CACNA1G: variants seen among roughly 807,000 people sequenced by gnomAD.
CACNA1G encodes calcium voltage-gated channel subunit alpha1 G, also known as voltage-dependent T-type calcium channel subunit alpha-1G.
A neutral mutation model predicts 219.4 loss-of-function variants in CACNA1G; 67 were observed. The ratio of observed to expected loss-of-function variants is 0.31; its 90% CI spans 0.25 to 0.37. The LOEUF is 0.37. Among genes scored for constraint, CACNA1G ranks in the 10% least tolerant of loss-of-function variants. The pLI, the probability that CACNA1G is intolerant of heterozygous loss-of-function variation, is 1.00. For synonymous variants in CACNA1G, 1,296 were observed against 1,345.3 expected, an observed-to-expected ratio of 0.96 and a Z score of 0.80; for missense variants, 2,380 against 3,231.4, an observed-to-expected ratio of 0.74 and a Z score of 6.39.
chr17:50,579,637 T>G (rs1040283624), intron 9 of CACNA1G, among the ~76,000 whole-genome samples: 19 of 152,048 alleles, frequency 1.2e-4, no homozygotes, highest in East Asian at 1.9e-4. Context: ...TTCTCCTGGG[T>G]GTTCTGGCCT....
Position 50,621,808 on chromosome 17 carries a change from G to C in CACNA1G, c.6060+14G>C. 6.2e-7 allele frequency: 1 copy of C among 1,612,888 alleles called. No homozygotes were observed. The highest frequency in any genetic ancestry group is 8.5e-7 in the Non-Finnish European group (1 of 1,179,730). On this transcript the variant is annotated intron_variant, in intron 35 of 37. Coordinates refer to ENST00000359106, the MANE Select transcript of CACNA1G (RefSeq NM_018896.5). This position sits in a 1 kb window ranked among gnomAD's most constrained non-coding sequence, Gnocchi z 4.6. ...CTGGAGAGCAATGTACATACACACT[G>C]CCCTCACTGCTCCCGGCCACCCCCG...
chr17:50,605,028 C>T (rs559116861), intron 22 of CACNA1G, among the ~76,000 whole-genome samples: 1 of 152,066 alleles, frequency 6.6e-6, no homozygotes, highest in East Asian at 1.9e-4. Context: ...CCTAGAAATT[C>T]TCTAGCCCTA....
At chr17:50,625,801 G>A (rs1481228954) in intron 37 of CACNA1G, among the ~76,000 whole-genome samples, 1 of 152,188 alleles carries the variant, frequency 6.6e-6, no homozygotes, top group Non-Finnish European at 1.5e-5. Context: ...GGGGAGGGAA[G>A]ACAGGGTTTA....
Position 50,611,343 on chromosome 17 carries a change from C to T in CACNA1G, c.4759+1408C>T, listed in dbSNP as rs79813361. 7.6e-3 allele frequency among the ~76,000 whole-genome samples: 1,152 copies of T among 151,964 alleles called. 9 individuals are homozygous for T. Among genetic ancestry groups the T allele is most frequent in the South Asian group, 0.015 (72 of 4,794 alleles). On this transcript the variant is annotated intron_variant, in intron 26 of 37. Transcript: ENST00000359106. Reference sequence around the variant, plus strand: ...CTTGGAACTTCAGTCTGGGAACCACCGGCTCCACTTTCCCCACTCCTCTGG... The same window carrying T: ...CTTGGAACTTCAGTCTGGGAACCACTGGCTCCACTTTCCCCACTCCTCTGG...
At chr17:50,562,365 C>G (rs970085498) in intron 1 of CACNA1G, among the ~76,000 whole-genome samples, 1 of 152,154 alleles carries the variant, frequency 6.6e-6, no homozygotes, top group African/African-American at 2.4e-5. Context: ...CAAGGAGATT[C>G]CGGCGGCGGC....
At chr17:50,613,005 A>G (rs1341280703) in intron 26 of CACNA1G, among the ~76,000 whole-genome samples, 2 of 152,204 alleles carry the variant, frequency 1.3e-5, no homozygotes, top group South Asian at 2.1e-4. Context: ...CGAGGTCCAG[A>G]GAGCAGCAAA....
At chr17:50,602,925 C>T (rs948918182) in intron 20 of CACNA1G, 37 bp downstream of exon 20, 3 of 1,612,332 alleles carry the variant, frequency 1.9e-6, no homozygotes, top group Admixed American at 3.3e-5. Flanking sequence ...ACCTCTGGTT[C>T]CTGGTGGGGG....
chr17:50,600,961 G>T lies in CACNA1G; in HGVS notation c.3792-90G>T. On this transcript the variant is annotated intron_variant, in intron 18 of 37. Coordinates refer to ENST00000359106, the MANE Select transcript of CACNA1G (RefSeq NM_018896.5). This position sits in a 1 kb window ranked among gnomAD's most constrained non-coding sequence, Gnocchi z 4.1. ...TGAGCAGGGTGGCCTCAGCTGGGAGGGCACTGGAGGGGCAGGGGCTGCGGG... is the reference window on the plus strand; with the variant it reads ...TGAGCAGGGTGGCCTCAGCTGGGAGTGCACTGGAGGGGCAGGGGCTGCGGG... 6.3e-7 allele frequency: 1 copy of T among 1,585,082 alleles called. No individual in the cohort carries two copies.
chr17:50,595,118 A>G lies in CACNA1G; in HGVS notation c.2979+57A>G, dbSNP rs544032608. 14 of 1,292,092 alleles carry G rather than the reference A, an allele frequency of 1.1e-5. 1 individual carries two copies. In the South Asian group the frequency reaches 1.4e-4, roughly 13 times the overall value. 80.0% of individuals were successfully genotyped at this position (1,292,092 alleles called of 1,614,324 possible). On this transcript the variant is annotated intron_variant, in intron 14 of 37. Coordinates refer to ENST00000359106, the MANE Select transcript of CACNA1G (RefSeq NM_018896.5). The stretch of plus-strand genomic sequence containing the variant: ...CCGTGCCCCATGCCCGTGCCCCTCC[A>G]CTCCGCCTCCGTGTCTCTGTGCTCG...
At chr17:50,601,453 C>T (rs2046614345) in intron 19 of CACNA1G, among the ~76,000 whole-genome samples, 1 of 152,134 alleles carries the variant, frequency 6.6e-6, no homozygotes, top group South Asian at 2.1e-4. Context: ...GGGGCACACG[C>T]GTGAGTCGGG....
Position 50,591,719 on chromosome 17 carries a change from T to C in CACNA1G, c.2640-20T>C, listed in dbSNP as rs2044383397. On this transcript the variant is annotated intron_variant, in intron 11 of 37. Transcript: ENST00000359106. ...GCACTGGGCTCTGATCCCTAGCTTG[T>C]GGCCCCCTTGTGCCCACAGCATCCT... 1.2e-6 allele frequency: 2 copies of C among 1,613,120 alleles called. No homozygotes were observed. The highest frequency in any genetic ancestry group is 1.7e-6 in the Non-Finnish European group (2 of 1,179,182).
At chr17:50,588,644 C>A (rs943327835) in intron 9 of CACNA1G, among the ~76,000 whole-genome samples, 3 of 152,216 alleles carry the variant, frequency 2.0e-5, no homozygotes, top group Admixed American at 2.0e-4. Context: ...CCCCCACTCA[C>A]AATCCACGGA....
In CACNA1G at chr17:50,606,923, G is replaced by A; in HGVS notation, c.4446G>A (p.Leu1482=). Residue 1482 remains leucine (L), a synonymous_variant, in exon 24 of 38, where the codon TTG becomes TTA. Transcript: ENST00000359106. ...AGGCCCTGATGTCCCTGTTCGTTTT[G>A]GCCTCCAAGGATGGTTGGGTGGACA... ...LGQALMSLFV[L]ASKDGWVDIM... The A allele has an allele frequency of 1.2e-6, 2 of 1,613,800 alleles. No homozygotes were observed. The highest frequency in any genetic ancestry group is 1.7e-6 in the Non-Finnish European group (2 of 1,179,736).
At chr17:50,564,087 C>A (rs1035061253) in intron 1 of CACNA1G, among the ~76,000 whole-genome samples, 2 of 149,108 alleles carry the variant, frequency 1.3e-5, no homozygotes, top group African/African-American at 5.1e-5. Context: ...TTTTAAGGGA[C>A]CAGGTTTCCT....
At chr17:50,564,517 A>AC (rs2037104847) in intron 1 of CACNA1G, among the ~76,000 whole-genome samples, 1 of 8,030 alleles carries the variant, frequency 1.2e-4, no homozygotes, top group Admixed American at 1.4e-3. Flanking sequence ...GGGGGAGGAG[A>AC]GGGGGGGGAG....
intron 1 of CACNA1G, among the ~76,000 whole-genome samples, chr17:50,563,978 G>T (rs761616045): frequency 4.6e-5 from 7 of 152,074 alleles, no homozygotes; most frequent in Non-Finnish European, 8.8e-5. Flanking sequence ...GTCCCTGTAC[G>T]CCTCTGAGCC....
At chr17:50,576,975 T>TC (rs1415664294) in intron 8 of CACNA1G, among the ~76,000 whole-genome samples, 2 of 152,174 alleles carry the variant, frequency 1.3e-5, no homozygotes, top group African/African-American at 4.8e-5. Context: ...CGTCGGGCTC[T>TC]CCCCAGCAGA....
At position 50,561,541 on chromosome 17, in the gene CACNA1G, G is replaced by C; in HGVS notation, c.82G>C (p.Ala28Pro). Residue 28 changes from alanine (A) to proline (P), a missense_variant, in exon 1 of 38, where the codon GCC (alanine) becomes CCC (proline). By Grantham distance (27) the Ala-to-Pro change is conservative. Transcript: ENST00000359106. ...CATGCGGCTCAACGACCTGTCGGGGGCCGGGGGCCGGCCGGGGCCGGGGTC... is the reference window on the plus strand; with the variant it reads ...CATGCGGCTCAACGACCTGTCGGGGCCCGGGGGCCGGCCGGGGCCGGGGTC... ...SFMRLNDLSGAGGRPGPGSAE... is the reference protein window; with the variant it reads ...SFMRLNDLSGPGGRPGPGSAE... The C allele has an allele frequency of 6.5e-7, 1 of 1,538,938 alleles. No individual in the cohort carries two copies. The highest frequency in any genetic ancestry group is 2.4e-5 in the East Asian group (1 of 40,860).
At chr17:50,591,252 G>A (rs2044269854) in intron 10 of CACNA1G, among the ~76,000 whole-genome samples, 183 bp from the exon 11 acceptor site, 1 of 152,204 alleles carries the variant, frequency 6.6e-6, no homozygotes, top group African/African-American at 2.4e-5. Context: ...GGGGGCCGGG[G>A]CTGTCACCCA....
Sources: allele counts gnomAD v4.1 joint callset (sites outside exome capture counted in the v4.1 genomes callset), GRCh38; gene constraint gnomAD v4.1.1; non-coding constraint Gnocchi (gnomAD v3.1); transcripts MANE v1.5; gene names NCBI Gene and HGNC (gene_info 2026-07-23, HGNC 2026-07-21).